The following ARFGAP1 variants were observed in gnomAD, a reference collection of about 807,000 sequenced individuals.
The protein encoded by ARFGAP1 is ARF GTPase activating protein 1.
Under a neutral mutation model 54.0 loss-of-function variants are expected in ARFGAP1, and 26 were observed. The observed-to-expected ratio is 0.48, with a 90% confidence interval of 0.35 to 0.67. The LOEUF is 0.67. ARFGAP1 is among the 30% of genes least tolerant of loss of function. The probability of loss-of-function intolerance (pLI) is 0.00; values close to 1 mark genes in which losing one functional copy is unlikely to be tolerated. For missense variants in ARFGAP1, 525 were observed against 535.8 expected, an observed-to-expected ratio of 0.98 and a Z score of 0.20; for synonymous variants, 248 against 211.9, an observed-to-expected ratio of 1.17 and a Z score of -1.48.
At chr20:63,280,400 C>G (rs2067349153) in intron 7 of ARFGAP1, among the ~76,000 whole-genome samples, 1 of 152,242 alleles carries the variant, frequency 6.6e-6, no homozygotes, top group Non-Finnish European at 1.5e-5. Flanking sequence ...CTGGGCCTCT[C>G]AAGTTGCTTA....
chr20:63,283,046 C>A, intron 9 of ARFGAP1, 195 bp downstream of exon 9: 1 of 622,348 alleles, frequency 1.6e-6, no homozygotes, highest in Non-Finnish European at 2.8e-6. Flanking sequence ...CATGGACCCA[C>A]TCAGGGCCTG....
intron 7 of ARFGAP1, chr20:63,279,350 C>A (rs2067319870): frequency 5.2e-6 from 2 of 384,130 alleles, no homozygotes; most frequent in Non-Finnish European, 1.0e-5. Flanking sequence ...GGATTATAGG[C>A]ACCTACTATC....
At chr20:63,281,368 T>TGCCACCGTC in intron 8 of ARFGAP1, 21 bp downstream of exon 8, 4 of 1,583,774 alleles carry the variant, frequency 2.5e-6, no homozygotes, top group Non-Finnish European at 3.4e-6. Context: ...GCCCCTGCCA[T>TGCCACCGTC]GCCACCGTCC....
chr20:63,285,981 G>A lies in ARFGAP1; in HGVS notation c.834+268G>A, dbSNP rs537927023. 2.6e-6 allele frequency: 4 copies of A among 1,521,950 alleles called. No individual in the cohort carries two copies. In the East Asian group the frequency reaches 7.4e-5, roughly 28 times the overall value. The allele number at this position is 1,521,950 out of a possible 1,614,324, so 94.3% of individuals were successfully genotyped here. On this transcript the variant is annotated intron_variant, in intron 11 of 12. Transcript: ENST00000370283. The stretch of plus-strand genomic sequence containing the variant: ...CTGGCCTTTTCCTCGGTAAGTAAGT[G>A]CCAGCGCCGTCTTTGCTGCCATCAG...
chr20:63,286,365 G>A lies in ARFGAP1; in HGVS notation c.835-1G>A. On this transcript the variant is annotated splice_acceptor_variant, in intron 11 of 12. Transcript: ENST00000370283. LOFTEE classifies it high-confidence loss of function. ...TAACCTCTCTTCCCGTCTCCTTCCA[G>A]GTCCAGGGAGTCGGTAGTAAGGGAT... is the stretch of plus-strand genomic sequence containing the variant. The A allele has an allele frequency of 3.7e-6, 6 of 1,613,394 alleles. No individual in the cohort carries two copies. Among genetic ancestry groups the A allele is most frequent in the Non-Finnish European group, 5.1e-6 (6 of 1,179,988 alleles).
chr20:63,284,233 A>G, intron 9 of ARFGAP1: 1 of 1,213,322 alleles, frequency 8.2e-7, no homozygotes, highest in Non-Finnish European at 1.0e-6. Context: ...TTTCCTGGCC[A>G]CCTGCGCTCC....
chr20:63,276,299 A>C lies in ARFGAP1; in HGVS notation c.170+99A>C, dbSNP rs1601334215. The C allele has an allele frequency of 6.9e-7, 1 of 1,441,328 alleles. No individual in the cohort carries two copies. The highest frequency in any genetic ancestry group is 9.6e-7 in the Non-Finnish European group (1 of 1,037,404). The allele number at this position is 1,441,328 out of a possible 1,614,324, so 89.3% of individuals were successfully genotyped here. ...CTGACGCCAGGGAAGCTTGGGGGCC[A>C]CCTCCCATTGCATTGCCAGTGTCCA... is the stretch of plus-strand genomic sequence containing the variant. On this transcript the variant is annotated intron_variant, in intron 3 of 12. Coordinates refer to ENST00000370283, the MANE Select transcript of ARFGAP1 (RefSeq NM_018209.4). This position sits in a 1 kb window ranked among gnomAD's most constrained non-coding sequence, Gnocchi z 5.2.
In ARFGAP1 at chr20:63,286,435, T is replaced by C; in HGVS notation, c.904T>C (p.Leu302=). The change falls in exon 12 of 13, where the codon TTG becomes CTG. Residue 302 remains leucine (L), a synonymous_variant. Coordinates refer to ENST00000370283, the MANE Select transcript of ARFGAP1 (RefSeq NM_018209.4). ...TFFSGKAEGP[L]DSPSEGHSYQ... is the part of the protein sequence containing the mutation. ...TTTTTCGGGGAAAGCAGAGGGCCCC[T>C]TGGACAGGTATGCTGTGTCCCCTCC... The C allele has an allele frequency of 1.2e-6, 2 of 1,613,310 alleles. No individual in the cohort carries two copies. Among genetic ancestry groups the C allele is most frequent in the Non-Finnish European group, 1.7e-6 (2 of 1,179,924 alleles).
chr20:63,287,542 C>T (rs899233138), intron 12 of ARFGAP1, 22 bp from the exon 13 acceptor site: 1 of 1,555,160 alleles, frequency 6.4e-7, no homozygotes, highest in Non-Finnish European at 8.7e-7. Context: ...CATTTAGAGT[C>T]CCCCTTCTGT....
At chr20:63,279,221 C>A in intron 7 of ARFGAP1, 1 of 609,132 alleles carries the variant, frequency 1.6e-6, no homozygotes, top group Non-Finnish European at 3.0e-6. Flanking sequence ...TTTTTTAAGA[C>A]GGAGTCTTGC....
rs764140796 is a variant in ARFGAP1 at position 63,276,658 on chromosome 20, A to G, written c.342+7A>G. On this transcript the variant is annotated splice_region_variant and intron_variant, in intron 4 of 12. Transcript: ENST00000370283. The surrounding 1 kb of genome is among the most constrained non-coding windows in gnomAD (Gnocchi z 5.2). ...GGCCCTCTTTAGGGATAAGGTAGAG[A>G]TGGGCCCGATTCACTCTTGCCCATG... The G allele has an allele frequency of 2.6e-5, 42 of 1,596,770 alleles. 1 individual carries two copies. The South Asian group carries it at 4.3e-4, about 16-fold the overall frequency.
chr20:63,284,634 C>T, intron 9 of ARFGAP1: 2 of 1,386,796 alleles, frequency 1.4e-6, no homozygotes, highest in Non-Finnish European at 9.4e-7. Flanking sequence ...TGGAGGGGGA[C>T]CTTCCTGCAA....
At position 63,288,514 on chromosome 20, in the gene ARFGAP1, A is replaced by G; in HGVS notation, c.*641A>G. On this transcript the variant is annotated 3_prime_UTR_variant, in exon 13 of 13. Coordinates refer to ENST00000370283, the MANE Select transcript of ARFGAP1 (RefSeq NM_018209.4). ...CCACCAAGTTCACCAGGTTCACCAG[A>G]CACGGCCTCCACAATAGCCACACCC... is the stretch of plus-strand genomic sequence containing the variant. 1 of 455,618 alleles carries G rather than the reference A, an allele frequency of 2.2e-6. No homozygotes were observed. Among genetic ancestry groups the G allele is most frequent in the Non-Finnish European group, 4.4e-6 (1 of 226,758 alleles). The allele number at this position is 455,618 out of a possible 1,614,324, so 28.2% of individuals were successfully genotyped here.
intron 1 of ARFGAP1, among the ~76,000 whole-genome samples, chr20:63,275,094 G>A (rs555277316): frequency 2.6e-5 from 4 of 152,332 alleles, no homozygotes; most frequent in South Asian, 2.1e-4. Flanking sequence ...CCTGCACTGC[G>A]TTGGGAAGGT....
At chr20:63,278,288 C>CATGCACATGGG in intron 6 of ARFGAP1, 85 bp downstream of exon 6, 1 of 1,414,436 alleles carries the variant, frequency 7.1e-7, no homozygotes, top group Non-Finnish European at 9.9e-7. Context: ...CCCTTGGGGC[C>CATGCACATGGG]TCCCATGTGC....
At position 63,276,854 on chromosome 20, in the gene ARFGAP1, C is replaced by T; in HGVS notation, c.342+203C>T. 1.7e-6 allele frequency: 1 copy of T among 583,454 alleles called. No homozygotes were observed. The highest frequency in any genetic ancestry group is 3.0e-6 in the Non-Finnish European group (1 of 337,334). The allele number at this position is 583,454 out of a possible 1,614,324, so 36.1% of individuals were successfully genotyped here. ...AAATGGCTTGCGGGGGGAGACAGAC[C>T]TTCCCCGCCTCCAGGGGAGAAAGCA... On this transcript the variant is annotated intron_variant, in intron 4 of 12. Transcript: ENST00000370283. The surrounding 1 kb of genome is among the most constrained non-coding windows in gnomAD (Gnocchi z 5.2).
rs113548754 is a variant in ARFGAP1, at chr20:63,276,111, G to C, written c.81G>C (p.Ala27=). ...TGCAGGTTTGTTTTGAGTGTGGCGC[G>C]TTCAATCCTCAGTGGGTCAGTGTGA... ...DENNVCFECG[A]FNPQWVSVTY... Residue 27 remains alanine (A), a synonymous_variant, in exon 3 of 13, where the codon GCG becomes GCC. Coordinates refer to ENST00000370283, the MANE Select transcript of ARFGAP1 (RefSeq NM_018209.4). The surrounding 1 kb of genome is among the most constrained non-coding windows in gnomAD (Gnocchi z 5.2). 6.2e-7 allele frequency: 1 copy of C among 1,614,058 alleles called. No individual in the cohort carries two copies. The highest frequency in any genetic ancestry group is 8.5e-7 in the Non-Finnish European group (1 of 1,180,030).
At chr20:63,277,915 G>A (rs776270387) in intron 5 of ARFGAP1, among the ~76,000 whole-genome samples, 1 of 152,202 alleles carries the variant, frequency 6.6e-6, no homozygotes, top group Non-Finnish European at 1.5e-5. Context: ...CTCTCGTGTT[G>A]CCCATGAGGC....
rs1330356053 is a variant in ARFGAP1 at position 63,288,060 on chromosome 20, G to C, written c.*187G>C. 1.1e-5 allele frequency: 8 copies of C among 703,424 alleles called. No homozygotes were observed. The African/African-American group carries it at 1.4e-4, about 13-fold the overall frequency. The allele number at this position is 703,424 out of a possible 1,614,324, so 43.6% of individuals were successfully genotyped here. A position where few individuals can be genotyped will look rare whatever the true frequency, so the allele number is the denominator to read the frequency against. ...TGCGCGTGGGGAGTCTTCGGTGCGT[G>C]GGGGCGGCTTGCTGTCCAGCCTGTG... On this transcript the variant is annotated 3_prime_UTR_variant, in exon 13 of 13. Coordinates refer to ENST00000370283, the MANE Select transcript of ARFGAP1 (RefSeq NM_018209.4).
Sources: gnomAD v4.1 joint callset for allele counts (sites outside exome capture counted in the v4.1 genomes callset) on GRCh38, gnomAD v4.1.1 for gene constraint, Gnocchi (gnomAD v3.1) non-coding constraint, MANE v1.5 for transcripts, NCBI Gene and HGNC (gene_info 2026-07-23, HGNC 2026-07-21) for gene names.